SLC13A4: variants seen among roughly 807,000 people sequenced by gnomAD.
The protein encoded by SLC13A4 is solute carrier family 13 member 4, also known as Na(+)/sulfate cotransporter SUT-1.
SLC13A4 carries 28 observed loss-of-function variants against 72.7 expected under a neutral mutation model. That is an observed-to-expected ratio of 0.39 (90% CI 0.29 to 0.53). The LOEUF (loss-of-function observed/expected upper bound fraction) is 0.53, where lower values mean the gene tolerates loss of function less well. Among genes scored for constraint, SLC13A4 ranks in the 20% least tolerant of loss-of-function variants. SLC13A4 has a pLI of 0.78. For missense variants in SLC13A4, 653 were observed against 788.0 expected (o/e 0.83, Z 2.05); for synonymous variants, 312 against 325.5 (o/e 0.96, Z 0.45).
chr7:135,722,842 G>A (rs944530366), intron 1 of SLC13A4, among the ~76,000 whole-genome samples: 2 of 152,098 alleles, frequency 1.3e-5, no homozygotes, highest in Non-Finnish European at 2.9e-5. Context: ...CCTTCCCTGG[G>A]AGAGGGAAGG....
intron 2 of SLC13A4, among the ~76,000 whole-genome samples, chr7:135,710,321 G>T (rs141332926): frequency 6.6e-6 from 1 of 152,122 alleles, no homozygotes; most frequent in African/African-American, 2.4e-5. Flanking sequence ...AAATCTTCCC[G>T]GGAGGCAGAG....
intron 2 of SLC13A4, among the ~76,000 whole-genome samples, chr7:135,714,861 C>T (rs571279665): frequency 6.6e-6 from 1 of 152,354 alleles, no homozygotes; most frequent in African/African-American, 2.4e-5. Context: ...AGCCTGTACT[C>T]CTCTCCTGCC....
intron 3 of SLC13A4, 50 bp from the exon 4 acceptor site, chr7:135,706,350 T>G: frequency 6.5e-7 from 1 of 1,538,278 alleles, no homozygotes; most frequent in Non-Finnish European, 8.8e-7. Context: ...CACACATCCC[T>G]GCGGCTCCAC....
intron 10 of SLC13A4, among the ~76,000 whole-genome samples, 179 bp downstream of exon 10, chr7:135,693,958 C>T (rs571468712): frequency 6.6e-6 from 1 of 152,170 alleles, no homozygotes; most frequent in African/African-American, 2.4e-5. Flanking sequence ...GAAGGGTGGC[C>T]ACCTGAAATC....
intron 2 of SLC13A4, among the ~76,000 whole-genome samples, chr7:135,708,478 A>C (rs895422435): frequency 6.6e-6 from 1 of 152,248 alleles, no homozygotes; most frequent in African/African-American, 2.4e-5. Flanking sequence ...AGATTATTTC[A>C]TTCAATCTGG....
rs556943469 is a variant in SLC13A4, at chr7:135,718,083, A to C, written c.228+3312T>G. Among the ~76,000 whole-genome samples, 6 of 133,786 alleles carry C rather than the reference A, an allele frequency of 4.5e-5. No homozygotes were observed. The East Asian group carries it at 1.3e-3, about 30-fold the overall frequency. The allele number at this position is 133,786 out of a possible 152,430, so 87.8% of individuals were successfully genotyped here. A position where few individuals can be genotyped will look rare whatever the true frequency, so the allele number is the denominator to read the frequency against. On this transcript the variant is annotated intron_variant, in intron 2 of 15. Transcript: ENST00000682651. Reference sequence around the variant, plus strand: ...TGAGCCAATTCCTACACACACACACACACACGCGCGCGCGCGCACGCGTGC... The same window carrying C: ...TGAGCCAATTCCTACACACACACACCCACACGCGCGCGCGCGCACGCGTGC...
At chr7:135,718,088 C>CACACACACACACACACACACGTGT (rs754511549) in intron 2 of SLC13A4, among the ~76,000 whole-genome samples, 1 of 149,560 alleles carries the variant, frequency 6.7e-6, no homozygotes, top group East Asian at 2.0e-4. Flanking sequence ...CACACACACA[C>CACACACACACACACACACACGTGT]GCGCGCGCGC....
chr7:135,708,553 TATG>T (rs1221973015), intron 2 of SLC13A4, among the ~76,000 whole-genome samples: 1 of 152,224 alleles, frequency 6.6e-6, no homozygotes, highest in East Asian at 1.9e-4. Flanking sequence ...TGTATTTAAA[TATG>T]ATGTGAATAT....
At chr7:135,701,890 G>T in intron 6 of SLC13A4, 130 bp from the exon 7 acceptor site, 1 of 809,290 alleles carries the variant, frequency 1.2e-6, no homozygotes, top group East Asian at 2.7e-5. Context: ...CCAGAAGCCA[G>T]GGGGAGCATA....
At chr7:135,705,952 G>A in intron 4 of SLC13A4, 176 bp downstream of exon 4, 1 of 606,104 alleles carries the variant, frequency 1.6e-6, no homozygotes, top group Non-Finnish European at 2.8e-6. Flanking sequence ...AAGCTTCAGA[G>A]TCCAAGAGCT....
At chr7:135,690,180 C>CA (rs57390577) in intron 13 of SLC13A4, among the ~76,000 whole-genome samples, 1,448 of 29,496 alleles carry the variant, frequency 0.049, 219 homozygotes, top group Middle Eastern at 0.18. Flanking sequence ...GACTCTGTCT[C>CA]AAAAAAAAAA....
At position 135,692,438 on chromosome 7, in the gene SLC13A4, CAGAA is replaced by C. The variant is rs751074028; in HGVS notation, c.1122-18_1122-15del. On this transcript the variant is annotated splice_polypyrimidine_tract_variant and intron_variant, in intron 10 of 15. Transcript: ENST00000682651. ...ATTTCTGGGTAGCTATAAAATAAAA[CAGAA>C]AGACCCACTCAGGAACTGAGAAATT... 2.1e-5 allele frequency: 33 copies of C among 1,571,318 alleles called. No individual in the cohort carries two copies. The African/African-American group carries it at 3.5e-4, about 17-fold the overall frequency.
chr7:135,686,732 C>G (rs1369621881), intron 13 of SLC13A4, among the ~76,000 whole-genome samples: 1 of 152,172 alleles, frequency 6.6e-6, no homozygotes, highest in East Asian at 1.9e-4. Context: ...ATTTATTCCA[C>G]TAGCAACAGT....
In SLC13A4 at chr7:135,684,346, CTTG is replaced by C. The variant is rs1330565096; in HGVS notation, c.1609-88_1609-86del. The C allele has an allele frequency of 4.7e-6, 7 of 1,492,072 alleles. No individual in the cohort carries two copies. The African/African-American group carries it at 8.3e-5, about 18-fold the overall frequency. 92.4% of individuals were successfully genotyped at this position (1,492,072 alleles called of 1,614,324 possible). On this transcript the variant is annotated intron_variant, in intron 14 of 15. Coordinates refer to ENST00000682651, the MANE Select transcript of SLC13A4 (RefSeq NM_001318192.2). ...TGTCAGGAGCATGCTTTAATGATGA[CTTG>C]GTGCTGGCTAACCTTAGCAGGACAC...
At position 135,701,826 on chromosome 7, in the gene SLC13A4, A is replaced by G; in HGVS notation, c.634-66T>C. 2.0e-6 allele frequency: 3 copies of G among 1,513,456 alleles called. No homozygotes were observed. The South Asian group carries it at 3.4e-5, about 17-fold the overall frequency. 93.8% of individuals were successfully genotyped at this position (1,513,456 alleles called of 1,614,324 possible). On this transcript the variant is annotated intron_variant, in intron 6 of 15. Coordinates refer to ENST00000682651, the MANE Select transcript of SLC13A4 (RefSeq NM_001318192.2). ...TGGTGAGCCAGGTGCCTCGAGAAGGACCACCTAGTCATCCCAGGGCCACCC... is the reference window on the plus strand; with the variant it reads ...TGGTGAGCCAGGTGCCTCGAGAAGGGCCACCTAGTCATCCCAGGGCCACCC...
At chr7:135,697,051 G>A (rs545957458) in intron 8 of SLC13A4, among the ~76,000 whole-genome samples, 8 of 152,088 alleles carry the variant, frequency 5.3e-5, no homozygotes, top group East Asian at 1.9e-4. Context: ...CTCCACTCCC[G>A]TAGCTTCCCT....
chr7:135,688,605 T>C (rs1795694899), intron 13 of SLC13A4, among the ~76,000 whole-genome samples: 1 of 152,152 alleles, frequency 6.6e-6, no homozygotes, highest in East Asian at 1.9e-4. Flanking sequence ...GCAGAACTAT[T>C]TTATACTATG....
rs181889193 is a variant in SLC13A4, at chr7:135,721,930, G to C, written c.100-407C>G. ...GTTGACTGGATATTAGAAGTTCTTG[G>C]GGTAGTTGGAGATAGGAATCACTAT... is the stretch of plus-strand genomic sequence containing the variant. On this transcript the variant is annotated intron_variant, in intron 1 of 15. Transcript: ENST00000682651. Among the ~76,000 whole-genome samples, 360 of 152,288 alleles carry C rather than the reference G, an allele frequency of 2.4e-3. 1 individual carries two copies. The highest frequency in any genetic ancestry group is 7.7e-3 in the African/African-American group (322 of 41,558).
chr7:135,708,270 G>A lies in SLC13A4; in HGVS notation c.229-20C>T. 1 of 1,613,906 alleles carries A rather than the reference G, an allele frequency of 6.2e-7. No individual in the cohort carries two copies. On this transcript the variant is annotated intron_variant, in intron 2 of 15. Transcript: ENST00000682651. ...CGCCACCTGTAGGGAGGCCAGGCAT[G>A]TCAGTCACCCTCCCGGACCAAAGAC...
Sources: gnomAD v4.1 joint callset for allele counts (sites outside exome capture counted in the v4.1 genomes callset) on GRCh38, gnomAD v4.1.1 for gene constraint, MANE v1.5 for transcripts, NCBI Gene and HGNC (gene_info 2026-07-23, HGNC 2026-07-21) for gene names.